LIMS2: variants seen among roughly 807,000 people sequenced by gnomAD.
LIMS2 encodes the protein LIM and senescent cell antigen-like-containing domain protein 2.
Under a neutral mutation model 45.3 loss-of-function variants are expected in LIMS2, and 30 were observed. The observed-to-expected ratio is 0.66, with a 90% confidence interval of 0.50 to 0.90. LIMS2 has a LOEUF of 0.90. LIMS2 is among the 40% of genes least tolerant of loss of function. The pLI is 0.00. For missense variants in LIMS2, 485 were observed against 468.7 expected, an observed-to-expected ratio of 1.03 and a Z score of -0.32; for synonymous variants, 173 against 188.0, an observed-to-expected ratio of 0.92 and a Z score of 0.65.
intron 7 of LIMS2, chr2:127,640,612 C>T: frequency 1.7e-6 from 1 of 599,144 alleles, no homozygotes. Context: ...CGCCCCCTGC[C>T]TTCTGTACCA....
chr2:127,642,661 G>C lies in LIMS2; in HGVS notation c.509+262C>G. 1.9e-6 allele frequency: 1 copy of C among 513,526 alleles called. No individual in the cohort carries two copies. The highest frequency in any genetic ancestry group is 5.2e-4 in the Middle Eastern group (1 of 1,916). The allele number at this position is 513,526 out of a possible 1,614,324, so 31.8% of individuals were successfully genotyped here. ...TGCTCCATCTCAACCCTCGTCTGCA[G>C]TCTAGGGGTCCAGCCCACCCGCCTC... On this transcript the variant is annotated intron_variant, in intron 5 of 9. Transcript: ENST00000355119. The surrounding 1 kb of genome is among the most constrained non-coding windows in gnomAD (Gnocchi z 5.3).
Position 127,642,316 on chromosome 2 carries a change from C to T in LIMS2, c.510-117G>A, listed in dbSNP as rs1682508192. 1.2e-5 allele frequency: 15 copies of T among 1,236,236 alleles called. No homozygotes were observed. The highest frequency in any genetic ancestry group is 1.0e-4 in the South Asian group (6 of 59,606). The allele number at this position is 1,236,236 out of a possible 1,614,324, so 76.6% of individuals were successfully genotyped here. On this transcript the variant is annotated intron_variant, in intron 5 of 9. Coordinates refer to ENST00000355119, the MANE Select transcript of LIMS2 (RefSeq NM_001161403.3). This position sits in a 1 kb window ranked among gnomAD's most constrained non-coding sequence, Gnocchi z 5.3. ...GGGGCCCATTCTGTCCCTGCAGAGC[C>T]GAGGCGGCAGCGCCTTCTGATCTCT...
intron 1 of LIMS2, among the ~76,000 whole-genome samples, chr2:127,663,633 C>CT (rs1443650420): frequency 2.6e-5 from 4 of 151,888 alleles, no homozygotes; most frequent in South Asian, 4.2e-4. Context: ...CCTGCCCCCC[C>CT]GCCCCAGCCC....
rs1166864670 is a variant in LIMS2, at chr2:127,638,600, A to G, written c.*681T>C. ...ACCCAAGGGCTCGACACAAGCCCCA[A>G]GGTCGGGGGGAGAGGGGCGGGGCGG... On this transcript the variant is annotated 3_prime_UTR_variant, in exon 10 of 10. Coordinates refer to ENST00000355119, the MANE Select transcript of LIMS2 (RefSeq NM_001161403.3). 1 of 152,752 alleles carries G rather than the reference A, an allele frequency of 6.5e-6. No homozygotes were observed. The highest frequency in any genetic ancestry group is 1.5e-5 in the Non-Finnish European group (1 of 68,296). 9.5% of individuals were successfully genotyped at this position (152,752 alleles called of 1,614,324 possible).
At chr2:127,679,516 G>T (rs1367397484), upstream of LIMS2, among the ~76,000 whole-genome samples, 2 of 152,066 alleles carry the variant, frequency 1.3e-5, no homozygotes, top group South Asian at 2.1e-4. This position sits in a 1 kb window ranked among gnomAD's most constrained non-coding sequence, Gnocchi z 5.3. Context: ...GGTGAAGGAG[G>T]TGCAGCATCT....
Position 127,653,599 on chromosome 2 carries a change from G to A in LIMS2, c.359+825C>T, listed in dbSNP as rs530631080. Among the ~76,000 whole-genome samples the A allele has an allele frequency of 7.2e-5, 11 of 152,176 alleles. No homozygotes were observed. In the South Asian group the frequency reaches 2.3e-3, roughly 32 times the overall value. ...AGGGAGAAAGGTGACTCAGAGGAGG[G>A]GAGTGAGCAGGTGCAGCTGTGGGGG... On this transcript the variant is annotated intron_variant, in intron 4 of 9. Transcript: ENST00000355119. This position sits in a 1 kb window ranked among gnomAD's most constrained non-coding sequence, Gnocchi z 5.3.
At chr2:127,643,450 G>A (rs912025725) in intron 4 of LIMS2, 3 of 458,154 alleles carry the variant, frequency 6.5e-6, no homozygotes, top group Non-Finnish European at 8.8e-6. Context: ...GAGTGTCACT[G>A]TGCCCAGCAG....
At chr2:127,660,504 A>G (rs1056348755) in intron 1 of LIMS2, among the ~76,000 whole-genome samples, 3 of 152,124 alleles carry the variant, frequency 2.0e-5, no homozygotes, top group Admixed American at 6.6e-5. Flanking sequence ...AGGAACAGAT[A>G]ATTCCGGATG....
intron 1 of LIMS2, among the ~76,000 whole-genome samples, chr2:127,662,201 G>C (rs1021149847): frequency 6.6e-6 from 1 of 152,152 alleles, no homozygotes; most frequent in Non-Finnish European, 1.5e-5. Context: ...CAACTTCCTC[G>C]TTTATAAAAT....
At chr2:127,663,980 G>T (rs1254343356) in intron 1 of LIMS2, among the ~76,000 whole-genome samples, 1 of 152,176 alleles carries the variant, frequency 6.6e-6, no homozygotes. Flanking sequence ...GCAGGTGTCT[G>T]CTCTGCTCAG....
chr2:127,679,302 G>T (rs1410249245), upstream of LIMS2, among the ~76,000 whole-genome samples: 1 of 152,134 alleles, frequency 6.6e-6, no homozygotes, highest in Non-Finnish European at 1.5e-5. This position sits in a 1 kb window ranked among gnomAD's most constrained non-coding sequence, Gnocchi z 5.3. Flanking sequence ...TGAAAGGGGG[G>T]GCAGAGAAGA....
In LIMS2 at chr2:127,653,789, G is replaced by A. The variant is rs571369912; in HGVS notation, c.359+635C>T. Among the ~76,000 whole-genome samples, 1 of 152,248 alleles carries A rather than the reference G, an allele frequency of 6.6e-6. No homozygotes were observed. Among genetic ancestry groups the A allele is most frequent in the Admixed American group, 6.5e-5 (1 of 15,302 alleles). On this transcript the variant is annotated intron_variant, in intron 4 of 9. Coordinates refer to ENST00000355119, the MANE Select transcript of LIMS2 (RefSeq NM_001161403.3). The surrounding 1 kb of genome is among the most constrained non-coding windows in gnomAD (Gnocchi z 5.3). Reference sequence around the variant, plus strand: ...AGGGGCAGCGGGTGTGCTGGGAGAAGCCGGGGAGGAAGGCCCAGCAGTGTT... The same window carrying A: ...AGGGGCAGCGGGTGTGCTGGGAGAAACCGGGGAGGAAGGCCCAGCAGTGTT...
chr2:127,651,365 C>T, intron 4 of LIMS2: 2 of 1,612,538 alleles, frequency 1.2e-6, no homozygotes, highest in Non-Finnish European at 1.7e-6. Context: ...CCACGGTCAC[C>T]TGCTACCTGC....
Position 127,639,409 on chromosome 2 carries a change from C to T in LIMS2, c.898G>A (p.Asp300Asn), listed in dbSNP as rs1169262058. Residue 300 changes from aspartate (D) to asparagine (N), a missense_variant, in exon 10 of 10, where the codon GAC (aspartate) becomes AAC (asparagine). Transcript: ENST00000355119. ...CACCTCTTACACACGGGCTTCATGT[C>T]GAACTCCACAAACTTGTTCCTGAGG... ...LTLKNKFVEF[D>N]MKPVCKRCYE... The T allele has an allele frequency of 1.9e-6, 3 of 1,613,810 alleles. No individual in the cohort carries two copies. Among genetic ancestry groups the T allele is most frequent in the African/African-American group, 1.3e-5 (1 of 75,028 alleles).
rs1252559826 is a variant in LIMS2, at chr2:127,653,042, T to C, written c.359+1382A>G. On this transcript the variant is annotated intron_variant, in intron 4 of 9. Transcript: ENST00000355119. This position sits in a 1 kb window ranked among gnomAD's most constrained non-coding sequence, Gnocchi z 5.3. ...GCTGGTCAGCACGAGCTCCTGGTGC[T>C]GTCCCTCGGCCCCTGCACTGCACCG... Among the ~76,000 whole-genome samples the C allele has an allele frequency of 6.6e-6, 1 of 152,362 alleles. No homozygotes were observed. The highest frequency in any genetic ancestry group is 1.5e-5 in the Non-Finnish European group (1 of 68,036).
chr2:127,676,407 C>CTTTTTT (rs10677718), upstream of LIMS2, among the ~76,000 whole-genome samples: 63 of 115,856 alleles, frequency 5.4e-4, no homozygotes, highest in African/African-American at 1.8e-3. Flanking sequence ...GCAGTTGTTA[C>CTTTTTT]TTTTTTTTTT....
chr2:127,641,208 G>A, intron 6 of LIMS2: 1 of 534,314 alleles, frequency 1.9e-6, no homozygotes, highest in Admixed American at 3.1e-5. Context: ...ACACCTCTGT[G>A]AATGCCCTGG....
At chr2:127,643,804 C>T (rs980466904) in intron 4 of LIMS2, among the ~76,000 whole-genome samples, 7 of 152,202 alleles carry the variant, frequency 4.6e-5, no homozygotes, top group Non-Finnish European at 1.0e-4. Flanking sequence ...CCCTGGCCCC[C>T]GTCTCCACCT....
chr2:127,652,924 A>G (rs1473359394), intron 4 of LIMS2, among the ~76,000 whole-genome samples: 1 of 152,162 alleles, frequency 6.6e-6, no homozygotes, highest in Non-Finnish European at 1.5e-5. Context: ...CATCTTTCAG[A>G]TTTCCCCAAC....
Sources: gnomAD v4.1 joint callset for allele counts (sites outside exome capture counted in the v4.1 genomes callset) on GRCh38, gnomAD v4.1.1 for gene constraint, Gnocchi (gnomAD v3.1) non-coding constraint, MANE v1.5 for transcripts, NCBI Gene and HGNC (gene_info 2026-07-23, HGNC 2026-07-21) for gene names.